CA10: variants seen among roughly 807,000 people sequenced by gnomAD.
The protein encoded by CA10 is carbonic anhydrase-related protein 10.
CA10 carries 14 observed loss-of-function variants against 44.2 expected under a neutral mutation model. That is an observed-to-expected ratio of 0.32 (90% CI 0.21 to 0.50). The LOEUF (loss-of-function observed/expected upper bound fraction) is 0.50. CA10 is among the 20% of genes least tolerant of loss of function. The pLI, the probability that CA10 is intolerant of heterozygous loss-of-function variation, is 0.99. For synonymous variants in CA10, 159 were observed against 141.6 expected, an observed-to-expected ratio of 1.12 and a Z score of -0.87; for missense variants, 350 against 409.7, an observed-to-expected ratio of 0.85 and a Z score of 1.26.
chr17:51,747,578 G>T (rs537006217), intron 4 of CA10, 55 bp downstream of exon 4: 10 of 1,421,100 alleles, frequency 7.0e-6, no homozygotes, highest in Non-Finnish European at 8.6e-6. Flanking sequence ...ACACAAACAG[G>T]CACCCAATCT....
At chr17:51,923,999 A>G (rs924863369) in intron 3 of CA10, among the ~76,000 whole-genome samples, 1 of 152,208 alleles carries the variant, frequency 6.6e-6, no homozygotes, top group East Asian at 1.9e-4. Flanking sequence ...AAGGGCTAAT[A>G]TCTATAGTAT....
Position 51,831,689 on chromosome 17 carries a change from A to G in CA10, c.280-83871T>C, listed in dbSNP as rs970105695. ...AAAAAGCAGCAGCAGCAGCAGCAGC[A>G]GCAGCAGCAGCAGCAGCAGCAGCAG... On this transcript the variant is annotated intron_variant, in intron 3 of 8. Transcript: ENST00000451037. Among the ~76,000 whole-genome samples the G allele has an allele frequency of 1.0e-3, 81 of 78,668 alleles. 1 individual carries two copies. The highest frequency in any genetic ancestry group is 9.5e-3 in the South Asian group (22 of 2,308). 51.6% of individuals were successfully genotyped at this position (78,668 alleles called of 152,430 possible). A position where few individuals can be genotyped will look rare whatever the true frequency, so the allele number is the denominator to read the frequency against.
intron 1 of CA10, among the ~76,000 whole-genome samples, chr17:52,077,702 T>G (rs1987853763): frequency 6.6e-6 from 1 of 151,966 alleles, no homozygotes; most frequent in African/African-American, 2.4e-5. Flanking sequence ...GTGCCTGATA[T>G]CTGATCAGTA....
intron 3 of CA10, among the ~76,000 whole-genome samples, chr17:51,771,946 C>A (rs963775486): frequency 6.6e-6 from 1 of 152,148 alleles, no homozygotes; most frequent in African/African-American, 2.4e-5. Context: ...GAGGACAAAG[C>A]CTCTCACAGA....
chr17:52,030,469 T>C (rs140711800), intron 2 of CA10, among the ~76,000 whole-genome samples: 1 of 152,168 alleles, frequency 6.6e-6, no homozygotes, highest in Non-Finnish European at 1.5e-5. Context: ...GAATCCCACA[T>C]AAATGGAAGC....
At chr17:51,756,018 C>A (rs1905064747) in intron 3 of CA10, among the ~76,000 whole-genome samples, 1 of 151,960 alleles carries the variant, frequency 6.6e-6, no homozygotes. Context: ...CATAGAAGAG[C>A]CGGCATTCTT....
chr17:51,770,353 T>C (rs1384695087), intron 3 of CA10, among the ~76,000 whole-genome samples: 3 of 151,844 alleles, frequency 2.0e-5, no homozygotes. Flanking sequence ...CCATATGCTA[T>C]GGAGAAACAA....
At chr17:52,123,371 G>GTGTGTGTGTGT (rs141757678) in intron 1 of CA10, among the ~76,000 whole-genome samples, 2 of 146,342 alleles carry the variant, frequency 1.4e-5, no homozygotes, top group Admixed American at 1.4e-4. Flanking sequence ...ATATATATGG[G>GTGTGTGTGTGT]GTGTGTGTGT....
intron 2 of CA10, among the ~76,000 whole-genome samples, chr17:51,972,493 T>C (rs776346686): frequency 1.6e-4 from 25 of 152,062 alleles, no homozygotes; most frequent in Non-Finnish European, 2.4e-4. Context: ...AGAACTGATA[T>C]AGAGGTGGGT....
intron 4 of CA10, among the ~76,000 whole-genome samples, chr17:51,731,330 T>C (rs1380691625): frequency 6.6e-6 from 1 of 152,112 alleles, no homozygotes. Flanking sequence ...TGAGCCGAGA[T>C]TGTACCACTG....
intron 3 of CA10, among the ~76,000 whole-genome samples, chr17:51,850,784 A>T (rs2143822703): frequency 6.6e-6 from 1 of 152,310 alleles, no homozygotes; most frequent in African/African-American, 2.4e-5. Flanking sequence ...AAGTGAGTGA[A>T]GTTGGCAAAC....
chr17:52,011,704 G>C (rs972947778), intron 2 of CA10, among the ~76,000 whole-genome samples: 43 of 152,138 alleles, frequency 2.8e-4, no homozygotes, highest in African/African-American at 9.9e-4. Context: ...CGGCATGTAT[G>C]ATAAGTGATA....
intron 6 of CA10, among the ~76,000 whole-genome samples, chr17:51,646,264 C>T (rs1257052272): frequency 2.0e-5 from 3 of 152,142 alleles, no homozygotes; most frequent in Non-Finnish European, 4.4e-5. Context: ...TGAAGGACTT[C>T]GTGAGCACTA....
chr17:51,715,283 G>A (rs1916068651), intron 4 of CA10, among the ~76,000 whole-genome samples: 2 of 151,938 alleles, frequency 1.3e-5, no homozygotes, highest in South Asian at 2.1e-4. Context: ...GAGTTAATGG[G>A]TGCAGCACAC....
intron 1 of CA10, among the ~76,000 whole-genome samples, chr17:52,095,905 C>T (rs940943324): frequency 2.0e-5 from 3 of 152,048 alleles, no homozygotes; most frequent in Non-Finnish European, 4.4e-5. Flanking sequence ...AGGTGCTTAG[C>T]GCAGAAATTG....
chr17:51,683,592 A>T (rs1415848745), intron 4 of CA10, among the ~76,000 whole-genome samples: 1 of 152,172 alleles, frequency 6.6e-6, no homozygotes, highest in Non-Finnish European at 1.5e-5. Flanking sequence ...TGCAATACGT[A>T]AAGCTTTGAA....
intron 2 of CA10, among the ~76,000 whole-genome samples, chr17:51,989,127 G>A (rs1034310500): frequency 6.6e-6 from 1 of 151,044 alleles, no homozygotes. Flanking sequence ...CCTTATCCTG[G>A]AGCTACTATA....
At chr17:51,888,181 AAAAAAAAGGAG>A in intron 3 of CA10, among the ~76,000 whole-genome samples, 1 of 152,080 alleles carries the variant, frequency 6.6e-6, no homozygotes, top group South Asian at 2.1e-4. Context: ...ATTGATTTTT[AAAAAAAAGGAG>A]AAGAAAGGAA....
intron 4 of CA10, among the ~76,000 whole-genome samples, chr17:51,686,247 T>G (rs541186500): frequency 6.6e-6 from 1 of 152,190 alleles, no homozygotes; most frequent in East Asian, 1.9e-4. Context: ...TTGTGAGGCC[T>G]TCCCAGCTAT....
Sources: gnomAD v4.1 joint callset for allele counts (sites outside exome capture counted in the v4.1 genomes callset) on GRCh38, gnomAD v4.1.1 for gene constraint, MANE v1.5 for transcripts, NCBI Gene and HGNC (gene_info 2026-07-23, HGNC 2026-07-21) for gene names.